The following ACOT13 variants were observed in gnomAD, a reference collection of about 807,000 sequenced individuals.
ACOT13 encodes acyl-coenzyme A thioesterase 13.
A neutral mutation model predicts 11.8 loss-of-function variants in ACOT13; 10 were observed. The observed-to-expected ratio is 0.85, with a 90% confidence interval of 0.53 to 1.44. The LOEUF is 1.44. Among genes scored for constraint, ACOT13 ranks in the 40% most tolerant of loss-of-function variants. The probability of loss-of-function intolerance (pLI) is 0.00; values close to 1 mark genes in which losing one functional copy is unlikely to be tolerated. For synonymous variants in ACOT13, 53 were observed against 61.0 expected, an observed-to-expected ratio of 0.87 and a Z score of 0.61; for missense variants, 172 against 174.1, an observed-to-expected ratio of 0.99 and a Z score of 0.07.
At chr6:24,700,037 G>A (rs1778867041) in intron 2 of ACOT13, among the ~76,000 whole-genome samples, 1 of 152,164 alleles carries the variant, frequency 6.6e-6, no homozygotes, top group African/African-American at 2.4e-5. Context: ...TTCACTCTTT[G>A]ATTTACTTGA....
chr6:24,684,414 G>T (rs1398986715), intron 1 of ACOT13, among the ~76,000 whole-genome samples: 1 of 152,212 alleles, frequency 6.6e-6, no homozygotes, highest in Non-Finnish European at 1.5e-5. Context: ...CTTGCCATGG[G>T]TTGGATTGCC....
chr6:24,687,705 ATTTTTTTTT>A, intron 1 of ACOT13: 2 of 1,285,670 alleles, frequency 1.6e-6, no homozygotes, highest in Non-Finnish European at 2.0e-6. Context: ...TAAGAATAGA[ATTTTTTTTT>A]TTTTTTTTTT....
intron 1 of ACOT13, among the ~76,000 whole-genome samples, chr6:24,680,414 C>T (rs1428715245): frequency 1.3e-5 from 2 of 151,952 alleles, no homozygotes; most frequent in South Asian, 2.1e-4. Context: ...GTGTGGGGAA[C>T]GTTTCCGATC....
chr6:24,680,257 C>T (rs1350354577), intron 1 of ACOT13, among the ~76,000 whole-genome samples: 1 of 152,150 alleles, frequency 6.6e-6, no homozygotes, highest in Non-Finnish European at 1.5e-5. Context: ...TTATACTTCC[C>T]TCAAGAGGCC....
At chr6:24,698,517 T>A (rs1778835877) in intron 2 of ACOT13, among the ~76,000 whole-genome samples, 1 of 152,020 alleles carries the variant, frequency 6.6e-6, no homozygotes, top group East Asian at 1.9e-4. Context: ...ATAAATATTA[T>A]TTAATTTTAA....
chr6:24,701,381 A>G (rs1778888914), intron 2 of ACOT13, 78 bp from the exon 3 acceptor site: 1 of 1,317,226 alleles, frequency 7.6e-7, no homozygotes, highest in Non-Finnish European at 1.0e-6. Flanking sequence ...TAAGTTACAT[A>G]GGAACACTGT....
intron 1 of ACOT13, among the ~76,000 whole-genome samples, chr6:24,675,371 C>A (rs2127622238): frequency 6.6e-6 from 1 of 152,272 alleles, no homozygotes; most frequent in Admixed American, 6.5e-5. Context: ...TCCTATTTCT[C>A]CACATCCTGT....
chr6:24,677,677 C>G (rs1216710724), intron 1 of ACOT13, among the ~76,000 whole-genome samples: 1 of 152,236 alleles, frequency 6.6e-6, no homozygotes, highest in Non-Finnish European at 1.5e-5. Flanking sequence ...GCCTGAAAAG[C>G]CACTTCTGCT....
At chr6:24,673,199 A>C (rs1310515990) in intron 1 of ACOT13, among the ~76,000 whole-genome samples, 1 of 152,210 alleles carries the variant, frequency 6.6e-6, no homozygotes, top group African/African-American at 2.4e-5. Context: ...ACCAAAAAGC[A>C]AAAGAAAAGA....
intron 1 of ACOT13, among the ~76,000 whole-genome samples, chr6:24,674,381 C>T (rs1778410328): frequency 6.7e-6 from 1 of 150,124 alleles, no homozygotes; most frequent in African/African-American, 2.4e-5. Flanking sequence ...TTAGACAAAA[C>T]TTGTTCACCG....
In ACOT13 at chr6:24,698,103, G is replaced by A. The variant is rs992726077; in HGVS notation, c.266+36G>A. Reference sequence around the variant, plus strand: ...AAACTGTATTCCAAATCCCTTCTGTGTGATAACTGTCTAAACAACTGAGAC... The same window carrying A: ...AAACTGTATTCCAAATCCCTTCTGTATGATAACTGTCTAAACAACTGAGAC... On this transcript the variant is annotated intron_variant, in intron 2 of 2. Transcript: ENST00000230048. 3 of 1,501,932 alleles carry A rather than the reference G, an allele frequency of 2.0e-6. No homozygotes were observed. In the African/African-American group the frequency reaches 4.2e-5, roughly 21 times the overall value. The allele number at this position is 1,501,932 out of a possible 1,614,324, so 93.0% of individuals were successfully genotyped here. A position where few individuals can be genotyped will look rare whatever the true frequency, so the allele number is the denominator to read the frequency against.
intron 1 of ACOT13, among the ~76,000 whole-genome samples, chr6:24,674,561 A>G (rs924376600): frequency 6.6e-6 from 1 of 151,934 alleles, no homozygotes; most frequent in African/African-American, 2.4e-5. Flanking sequence ...GGCGCCTGCC[A>G]CCACGCCTGG....
chr6:24,681,804 T>G (rs535417622), intron 1 of ACOT13, among the ~76,000 whole-genome samples: 1 of 152,226 alleles, frequency 6.6e-6, no homozygotes, highest in South Asian at 2.1e-4. Context: ...GAACCATTAG[T>G]ACCTAGGAGG....
intron 1 of ACOT13, among the ~76,000 whole-genome samples, chr6:24,667,650 A>C (rs994268153): frequency 1.3e-5 from 2 of 152,206 alleles, no homozygotes; most frequent in African/African-American, 4.8e-5. Flanking sequence ...TCCAGAGAAG[A>C]GTAAGAGAAA....
At chr6:24,683,795 G>C (rs1345299498) in intron 1 of ACOT13, among the ~76,000 whole-genome samples, 2 of 32,550 alleles carry the variant, frequency 6.1e-5, no homozygotes, top group South Asian at 7.8e-4. Context: ...AATCAGATAC[G>C]CGTTTATCTC....
chr6:24,694,600 C>T (rs960659739), intron 1 of ACOT13, among the ~76,000 whole-genome samples: 1 of 152,020 alleles, frequency 6.6e-6, no homozygotes, highest in Non-Finnish European at 1.5e-5. Flanking sequence ...GTTTTTTTCA[C>T]AAGGTTCTCT....
chr6:24,677,015 A>C (rs1197464765), intron 1 of ACOT13, among the ~76,000 whole-genome samples: 1 of 152,210 alleles, frequency 6.6e-6, no homozygotes, highest in East Asian at 1.9e-4. Context: ...AGTGAGGGCT[A>C]TTAGTTCTGC....
At chr6:24,674,008 C>A (rs1778405456) in intron 1 of ACOT13, among the ~76,000 whole-genome samples, 1 of 152,114 alleles carries the variant, frequency 6.6e-6, no homozygotes, top group South Asian at 2.1e-4. Flanking sequence ...TTTCCTGATT[C>A]CTTTACCTTG....
chr6:24,688,442 AG>A (rs1189598265), intron 1 of ACOT13, among the ~76,000 whole-genome samples: 1 of 151,554 alleles, frequency 6.6e-6, no homozygotes, highest in African/African-American at 2.4e-5. Flanking sequence ...CAGGAGGCTA[AG>A]GTGAGAGGAA....
Sources: gnomAD v4.1 joint callset for allele counts (sites outside exome capture counted in the v4.1 genomes callset) on GRCh38, gnomAD v4.1.1 for gene constraint, MANE v1.5 for transcripts, NCBI Gene and HGNC (gene_info 2026-07-23, HGNC 2026-07-21) for gene names.